CALCRL: variants seen among roughly 807,000 people sequenced by gnomAD.
CALCRL encodes the protein calcitonin receptor like receptor, also known as calcitonin gene-related peptide type 1 receptor.
Under a neutral mutation model 60.4 loss-of-function variants are expected in CALCRL, and 27 were observed. That is an observed-to-expected ratio of 0.45 (90% CI 0.33 to 0.62). The LOEUF (loss-of-function observed/expected upper bound fraction) is 0.62, where lower values mean the gene tolerates loss of function less well. CALCRL is among the 20% of genes least tolerant of loss of function. The pLI, the probability that CALCRL is intolerant of heterozygous loss-of-function variation, is 0.03. For missense variants in CALCRL, 424 were observed against 540.7 expected, an observed-to-expected ratio of 0.78 and a Z score of 2.14; for synonymous variants, 190 against 182.6, an observed-to-expected ratio of 1.04 and a Z score of -0.33.
chr2:187,366,918 CCCCACACA>C (rs1411831679), intron 8 of CALCRL, among the ~76,000 whole-genome samples: 1,129 of 84,578 alleles, frequency 0.013, 11 homozygotes, highest in African/African-American at 0.025. Flanking sequence ...GTGAGTATAA[CCCCACACA>C]CACACACACA....
At chr2:187,355,525 TA>T (rs1218694136) in intron 12 of CALCRL, among the ~76,000 whole-genome samples, 2 of 152,238 alleles carry the variant, frequency 1.3e-5, no homozygotes, top group African/African-American at 4.8e-5. Context: ...AACCATATAC[TA>T]AACTGCAGCT....
intron 1 of CALCRL, chr2:187,415,609 G>C (rs1362663936): frequency 1.7e-5 from 10 of 589,034 alleles, no homozygotes; most frequent in Non-Finnish European, 3.2e-5. Flanking sequence ...CAATTATGAT[G>C]ACGTCAAGAA....
intron 2 of CALCRL, 84 bp from the exon 3 acceptor site, chr2:187,387,577 G>A (rs1213987210): frequency 2.1e-5 from 8 of 377,954 alleles, no homozygotes; most frequent in Non-Finnish European, 2.8e-5. Context: ...AAAACAATGA[G>A]TCAGTTTATT....
chr2:187,373,993 T>A (rs1231695880), intron 8 of CALCRL, among the ~76,000 whole-genome samples: 1 of 151,956 alleles, frequency 6.6e-6, no homozygotes, highest in East Asian at 1.9e-4. Context: ...AAACCCTATC[T>A]CTAAAGAAAA....
intron 14 of CALCRL, 82 bp from the exon 15 acceptor site, chr2:187,346,481 T>C (rs532641771): frequency 1.1e-6 from 1 of 934,670 alleles, no homozygotes; most frequent in South Asian, 1.6e-5. Flanking sequence ...CACAATTAAA[T>C]AGGTCTTGGA....
chr2:187,437,117 T>C (rs1229928402), intron 1 of CALCRL, among the ~76,000 whole-genome samples: 2 of 152,204 alleles, frequency 1.3e-5, no homozygotes, highest in Non-Finnish European at 2.9e-5. Flanking sequence ...GCCTTCACAT[T>C]GCATTTGTAA....
Position 187,385,635 on chromosome 2 carries a change from C to G in CALCRL, c.-36-4G>C. On this transcript the variant is annotated splice_region_variant and splice_polypyrimidine_tract_variant and intron_variant, in intron 3 of 14. Transcript: ENST00000392370. Reference sequence around the variant, plus strand: ...GAAATATGCTGTATAACATAAACTGCAACAGAAAATAAAAGAAATATAATT... The same window carrying G: ...GAAATATGCTGTATAACATAAACTGGAACAGAAAATAAAAGAAATATAATT... The G allele has an allele frequency of 7.2e-7, 1 of 1,389,578 alleles. No homozygotes were observed. Among genetic ancestry groups the G allele is most frequent in the Non-Finnish European group, 9.9e-7 (1 of 1,010,062 alleles). The allele number at this position is 1,389,578 out of a possible 1,614,324, so 86.1% of individuals were successfully genotyped here. A position where few individuals can be genotyped will look rare whatever the true frequency, so the allele number is the denominator to read the frequency against.
chr2:187,391,462 A>G (rs889937187), intron 1 of CALCRL, among the ~76,000 whole-genome samples: 7 of 152,074 alleles, frequency 4.6e-5, no homozygotes, highest in African/African-American at 1.4e-4. Context: ...CAGCCAGAGA[A>G]TTTTTCCATA....
chr2:187,366,200 G>A (rs1214176599), intron 8 of CALCRL, among the ~76,000 whole-genome samples: 4 of 130,768 alleles, frequency 3.1e-5, no homozygotes, highest in African/African-American at 1.2e-4. Flanking sequence ...CCGAGATTGC[G>A]CCACTGCAGT....
At chr2:187,427,367 C>G (rs1436355421) in intron 1 of CALCRL, among the ~76,000 whole-genome samples, 1 of 152,070 alleles carries the variant, frequency 6.6e-6, no homozygotes, top group Non-Finnish European at 1.5e-5. Flanking sequence ...TGATGAAACT[C>G]AGTTCTATCA....
chr2:187,400,038 G>A (rs897687137), intron 1 of CALCRL, among the ~76,000 whole-genome samples: 1 of 151,294 alleles, frequency 6.6e-6, no homozygotes, highest in Non-Finnish European at 1.5e-5. Context: ...ATAGACTATG[G>A]AGTAAATACA....
chr2:187,431,868 G>C (rs1690424607), intron 1 of CALCRL, among the ~76,000 whole-genome samples: 1 of 151,934 alleles, frequency 6.6e-6, no homozygotes. Context: ...AATGTATGAT[G>C]GTGGTACACT....
At chr2:187,375,011 G>T (rs908828606) in intron 8 of CALCRL, among the ~76,000 whole-genome samples, 17 of 152,016 alleles carry the variant, frequency 1.1e-4, no homozygotes, top group African/African-American at 3.6e-4. Flanking sequence ...GGTGGCTCAC[G>T]CCTGTAATCC....
intron 1 of CALCRL, among the ~76,000 whole-genome samples, chr2:187,417,406 T>C (rs907977912): frequency 6.6e-6 from 1 of 152,206 alleles, no homozygotes; most frequent in Non-Finnish European, 1.5e-5. Flanking sequence ...TTTATGCTGG[T>C]GAGGTTTATT....
intron 4 of CALCRL, among the ~76,000 whole-genome samples, chr2:187,383,858 C>T (rs1253758041): frequency 6.6e-6 from 1 of 152,040 alleles, no homozygotes; most frequent in Non-Finnish European, 1.5e-5. Context: ...AGAAATTTTT[C>T]TTGTATGCAC....
intron 1 of CALCRL, among the ~76,000 whole-genome samples, chr2:187,410,056 T>C (rs1192629209): frequency 6.6e-6 from 1 of 152,046 alleles, no homozygotes; most frequent in African/African-American, 2.4e-5. Context: ...GACCAGAAAA[T>C]AGGTGGTTTA....
At chr2:187,358,958 G>T in intron 12 of CALCRL, 105 bp downstream of exon 12, 1 of 868,954 alleles carries the variant, frequency 1.2e-6, no homozygotes, top group Non-Finnish European at 2.0e-6. Flanking sequence ...GAACATGCAT[G>T]TCCATCTGTG....
At chr2:187,424,740 T>A (rs1347516222) in intron 1 of CALCRL, among the ~76,000 whole-genome samples, 1 of 151,922 alleles carries the variant, frequency 6.6e-6, no homozygotes, top group African/African-American at 2.4e-5. Context: ...TATAAATGAA[T>A]TGTGGTATGG....
In CALCRL at chr2:187,343,523, T is replaced by C. The variant is rs992744215; in HGVS notation, c.*2661A>G. ...ACAGCCACCACTAATTCTATATACA[T>C]TGGATTACATTTAAACAAACACTGC... On this transcript the variant is annotated 3_prime_UTR_variant, in exon 15 of 15. Transcript: ENST00000392370. 6.6e-5 allele frequency: 10 copies of C among 151,960 alleles called. No individual in the cohort carries two copies. Among genetic ancestry groups the C allele is most frequent in the Non-Finnish European group, 1.0e-4 (7 of 67,568 alleles). The allele number at this position is 151,960 out of a possible 1,614,324, so 9.4% of individuals were successfully genotyped here. A position where few individuals can be genotyped will look rare whatever the true frequency, so the allele number is the denominator to read the frequency against.
Sources: gnomAD v4.1 joint callset for allele counts (sites outside exome capture counted in the v4.1 genomes callset) on GRCh38, gnomAD v4.1.1 for gene constraint, MANE v1.5 for transcripts, NCBI Gene and HGNC (gene_info 2026-07-23, HGNC 2026-07-21) for gene names.